Variants in CNTN1 observed in about 807,000 individuals in gnomAD.
The protein encoded by CNTN1 is contactin 1, also known as contactin-1.
Under a neutral mutation model 126.4 loss-of-function variants are expected in CNTN1, and 38 were observed. The ratio of observed to expected loss-of-function variants is 0.30; its 90% CI spans 0.23 to 0.39. The LOEUF (loss-of-function observed/expected upper bound fraction) is 0.39, where lower values mean the gene tolerates loss of function less well. Among genes scored for constraint, CNTN1 ranks in the 10% least tolerant of loss-of-function variants. The pLI, the probability that CNTN1 is intolerant of heterozygous loss-of-function variation, is 1.00. For missense variants in CNTN1, 1,009 were observed against 1,248.4 expected, an observed-to-expected ratio of 0.81 and a Z score of 2.89; for synonymous variants, 413 against 422.6, an observed-to-expected ratio of 0.98 and a Z score of 0.28.
chr12:40,942,606 C>T (rs763945791), intron 12 of CNTN1, among the ~76,000 whole-genome samples: 7 of 152,038 alleles, frequency 4.6e-5, no homozygotes, highest in Non-Finnish European at 1.0e-4. Flanking sequence ...CTGAGTACGG[C>T]GTCTGGGACA....
intron 1 of CNTN1, among the ~76,000 whole-genome samples, chr12:40,785,084 C>T (rs184031196): frequency 1.1e-4 from 16 of 152,226 alleles, no homozygotes; most frequent in Admixed American, 9.8e-4. Flanking sequence ...AAAAGCATGA[C>T]AGGAGATCTA....
At chr12:40,841,013 A>C (rs1331607534) in intron 1 of CNTN1, among the ~76,000 whole-genome samples, 1 of 151,974 alleles carries the variant, frequency 6.6e-6, no homozygotes, top group Admixed American at 6.6e-5. Context: ...GTAAAACAAA[A>C]AGTTGGTTAT....
intron 11 of CNTN1, 48 bp downstream of exon 11, chr12:40,937,735 C>A: frequency 9.6e-7 from 1 of 1,043,646 alleles, no homozygotes; most frequent in South Asian, 1.3e-5. Context: ...AGCAATATGT[C>A]ATATCACACA....
At chr12:40,725,200 G>A (rs1468514154) in intron 1 of CNTN1, among the ~76,000 whole-genome samples, 1 of 151,910 alleles carries the variant, frequency 6.6e-6, no homozygotes, top group Non-Finnish European at 1.5e-5. Context: ...TTGGGAGTTC[G>A]AGACCAGCCT....
intron 23 of CNTN1, among the ~76,000 whole-genome samples, chr12:41,047,306 T>C (rs924476612): frequency 6.6e-6 from 1 of 152,164 alleles, no homozygotes; most frequent in African/African-American, 2.4e-5. Flanking sequence ...CACTGTTCCC[T>C]CTAAAACTCA....
rs555501768 is a variant in CNTN1, at chr12:40,990,624, C to T, written c.1964-2496C>T. ...ATCTTCTACTTTATGAAAATGTCTT[C>T]CATTTGTTTGGGATATTTTCATACT... On this transcript the variant is annotated intron_variant, in intron 16 of 23. Transcript: ENST00000551295. 2.2e-4 allele frequency among the ~76,000 whole-genome samples: 33 copies of T among 152,238 alleles called. No homozygotes were observed. In the South Asian group the frequency reaches 6.8e-3, roughly 32 times the overall value.
intron 1 of CNTN1, among the ~76,000 whole-genome samples, chr12:40,880,735 G>A (rs773164372): frequency 9.9e-5 from 15 of 152,056 alleles, no homozygotes; most frequent in Non-Finnish European, 2.1e-4. Context: ...AAGTAAATAT[G>A]GCTGTACGAA....
intron 16 of CNTN1, among the ~76,000 whole-genome samples, chr12:40,988,584 G>T (rs1413892597): frequency 1.3e-5 from 2 of 152,070 alleles, no homozygotes; most frequent in African/African-American, 4.8e-5. Context: ...ATACCCATGA[G>T]GCTTGATTCT....
intron 1 of CNTN1, among the ~76,000 whole-genome samples, chr12:40,832,077 G>T (rs955335153): frequency 7.9e-5 from 12 of 152,138 alleles, no homozygotes; most frequent in African/African-American, 2.9e-4. Flanking sequence ...AGGTGGGGCA[G>T]GTTATTAGGA....
At chr12:40,698,438 G>A (rs1156615813) in intron 1 of CNTN1, among the ~76,000 whole-genome samples, 7 of 151,552 alleles carry the variant, frequency 4.6e-5, no homozygotes, top group Non-Finnish European at 7.4e-5. Context: ...GGGTTTCACC[G>A]TGTTAGCGAG....
At chr12:40,904,005 CTTCT>C (rs1944707645) in intron 1 of CNTN1, among the ~76,000 whole-genome samples, 1 of 152,046 alleles carries the variant, frequency 6.6e-6, no homozygotes, top group African/African-American at 2.4e-5. Flanking sequence ...ATTTTCTTTC[CTTCT>C]TTCTTTCTCG....
intron 23 of CNTN1, among the ~76,000 whole-genome samples, chr12:41,056,392 G>A (rs1949801912): frequency 6.6e-6 from 1 of 152,096 alleles, no homozygotes; most frequent in Non-Finnish European, 1.5e-5. Flanking sequence ...TAACACTAAA[G>A]CATGTGCTCT....
chr12:40,831,779 T>G (rs1941849599), intron 1 of CNTN1, among the ~76,000 whole-genome samples: 1 of 152,184 alleles, frequency 6.6e-6, no homozygotes, highest in South Asian at 2.1e-4. Flanking sequence ...TGTTTGGTTT[T>G]GCTAGGTACT....
At chr12:40,887,924 A>G (rs936603601) in intron 1 of CNTN1, among the ~76,000 whole-genome samples, 2 of 150,300 alleles carry the variant, frequency 1.3e-5, no homozygotes, top group African/African-American at 2.4e-5. Context: ...ACAAAAAACC[A>G]AACACTGCAT....
intron 15 of CNTN1, chr12:40,972,156 A>G: frequency 1.0e-6 from 1 of 985,418 alleles, no homozygotes; most frequent in African/African-American, 1.7e-5. Context: ...CTGAGTAGCA[A>G]GATTTTAGTA....
At chr12:40,917,952 G>T (rs1279078630) in intron 3 of CNTN1, among the ~76,000 whole-genome samples, 2 of 152,022 alleles carry the variant, frequency 1.3e-5, no homozygotes, top group Admixed American at 6.6e-5. Context: ...CACATGTTTA[G>T]AAAAAAATCA....
chr12:41,051,909 C>G (rs1001807186), intron 23 of CNTN1, among the ~76,000 whole-genome samples: 1 of 148,306 alleles, frequency 6.7e-6, no homozygotes, highest in Admixed American at 6.7e-5. Flanking sequence ...CACACACACA[C>G]ACACACACAC....
chr12:40,964,171 T>C (rs1592331304), intron 15 of CNTN1, among the ~76,000 whole-genome samples: 1 of 152,178 alleles, frequency 6.6e-6, no homozygotes, highest in Non-Finnish European at 1.5e-5. Flanking sequence ...ATTGCCAAAA[T>C]AGAAAATGCA....
chr12:40,924,909 A>G (rs188634104), intron 6 of CNTN1, among the ~76,000 whole-genome samples: 3 of 67,030 alleles, frequency 4.5e-5, no homozygotes, highest in African/African-American at 2.0e-4. Context: ...GTATTATGTC[A>G]TCATTAAAGT....
Sources: gnomAD v4.1 joint callset for allele counts (sites outside exome capture counted in the v4.1 genomes callset) on GRCh38, gnomAD v4.1.1 for gene constraint, MANE v1.5 for transcripts, NCBI Gene and HGNC (gene_info 2026-07-23, HGNC 2026-07-21) for gene names.